The following BLTP3A variants were observed in gnomAD, a reference collection of about 807,000 sequenced individuals.
The protein encoded by BLTP3A is ICBP90 binding protein 1.
the BLTP3A span, among the ~76,000 whole-genome samples, chr6:34,828,710 TATTC>T: frequency 6.6e-6 from 1 of 151,968 alleles, no homozygotes; most frequent in African/African-American, 2.4e-5. Flanking sequence ...TTTTTTTTCT[TATTC>T]TTTCTTTTCT....
At chr6:34,848,599 T>C in the BLTP3A span, among the ~76,000 whole-genome samples, 1,267 of 141,540 alleles carry the variant, frequency 9.0e-3, 17 homozygotes, top group African/African-American at 0.029. Flanking sequence ...GAGTGAGACT[T>C]GGTCTCAAAA....
the BLTP3A span, chr6:34,823,342 G>A: frequency 6.2e-7 from 1 of 1,613,770 alleles, no homozygotes; most frequent in Non-Finnish European, 8.5e-7. Flanking sequence ...CTTGCTTCAG[G>A]ACAGAGGTTA....
the BLTP3A span, among the ~76,000 whole-genome samples, chr6:34,840,811 T>C: frequency 6.6e-6 from 1 of 151,364 alleles, no homozygotes; most frequent in Non-Finnish European, 1.5e-5. Flanking sequence ...AGAGATGCAG[T>C]TTCACCGTAT....
the BLTP3A span, chr6:34,875,028 C>G: frequency 6.6e-6 from 1 of 152,648 alleles, no homozygotes; most frequent in African/African-American, 2.4e-5. Flanking sequence ...CGGTCCTGTA[C>G]TACTAGCTCT....
At chr6:34,803,065 G>T in the BLTP3A span, among the ~76,000 whole-genome samples, 1 of 151,854 alleles carries the variant, frequency 6.6e-6, no homozygotes, top group Non-Finnish European at 1.5e-5. Flanking sequence ...GTTTGTCGTA[G>T]TCCCAGCTAC....
the BLTP3A span, among the ~76,000 whole-genome samples, chr6:34,828,390 G>T: frequency 1.3e-5 from 2 of 150,434 alleles, no homozygotes; most frequent in Admixed American, 1.3e-4. Flanking sequence ...GATGGAGGTT[G>T]CAGTGAGCCG....
chr6:34,808,777 A>G, the BLTP3A span, among the ~76,000 whole-genome samples: 3 of 152,166 alleles, frequency 2.0e-5, no homozygotes, highest in African/African-American at 7.2e-5. Flanking sequence ...ACAGGGTTTC[A>G]TCATGTTGCC....
chr6:34,854,008 G>A, the BLTP3A span, among the ~76,000 whole-genome samples: 1 of 152,154 alleles, frequency 6.6e-6, no homozygotes, highest in Non-Finnish European at 1.5e-5. Flanking sequence ...TGGATCACGA[G>A]CTCAGGAGTT....
chr6:34,816,861 A>G, the BLTP3A span, among the ~76,000 whole-genome samples: 1 of 152,174 alleles, frequency 6.6e-6, no homozygotes, highest in Admixed American at 6.6e-5. Flanking sequence ...AAACATTCTT[A>G]TCTTTCTAAG....
the BLTP3A span, chr6:34,822,056 TG>T: frequency 1.4e-6 from 2 of 1,431,430 alleles, no homozygotes; most frequent in Middle Eastern, 1.8e-4. Flanking sequence ...TTAGGAATGG[TG>T]GGTGTCTCCT....
chr6:34,801,737 T>A, the BLTP3A span, among the ~76,000 whole-genome samples: 3 of 150,932 alleles, frequency 2.0e-5, no homozygotes, highest in Non-Finnish European at 4.4e-5. Context: ...TTATTTATTT[T>A]TTGAGACGGA....
chr6:34,855,274 T>C, the BLTP3A span, among the ~76,000 whole-genome samples: 2 of 152,176 alleles, frequency 1.3e-5, no homozygotes, highest in Non-Finnish European at 2.9e-5. Flanking sequence ...ATACTAGGAT[T>C]GGGGAAACAG....
At chr6:34,809,461 G>A in the BLTP3A span, among the ~76,000 whole-genome samples, 1 of 152,176 alleles carries the variant, frequency 6.6e-6, no homozygotes, top group African/African-American at 2.4e-5. Flanking sequence ...AAAGACAGTT[G>A]ACCCTTGAAC....
the BLTP3A span, among the ~76,000 whole-genome samples, chr6:34,866,520 T>C: frequency 6.6e-6 from 1 of 152,216 alleles, no homozygotes; most frequent in African/African-American, 2.4e-5. Flanking sequence ...CTTTTGTCCA[T>C]AAATATTTTC....
At chr6:34,811,986 C>T in the BLTP3A span, among the ~76,000 whole-genome samples, 1 of 151,874 alleles carries the variant, frequency 6.6e-6, no homozygotes, top group Non-Finnish European at 1.5e-5. Flanking sequence ...ATGATTGTGC[C>T]AGTGTACTCC....
chr6:34,834,465 T>A, the BLTP3A span: 2 of 1,588,418 alleles, frequency 1.3e-6, no homozygotes, highest in Non-Finnish European at 1.7e-6. Flanking sequence ...TCAGACTGAT[T>A]CTTAAAGGAT....
At chr6:34,809,213 CA>C in the BLTP3A span, among the ~76,000 whole-genome samples, 4 of 151,824 alleles carry the variant, frequency 2.6e-5, no homozygotes, top group Non-Finnish European at 5.9e-5. Context: ...GGCAACATGG[CA>C]AAACCCTGTC....
the BLTP3A span, chr6:34,856,266 A>C: frequency 6.2e-7 from 1 of 1,614,106 alleles, no homozygotes; most frequent in Non-Finnish European, 8.5e-7. Flanking sequence ...TGGGTACGCC[A>C]CTGTGAGGCC....
chr6:34,871,041 C>A, the BLTP3A span: 1 of 1,614,134 alleles, frequency 6.2e-7, no homozygotes, highest in Non-Finnish European at 8.5e-7. Flanking sequence ...GCCTGGGGCC[C>A]TTCTTGGAGG....
Sources: gnomAD v4.1 joint callset for allele counts (sites outside exome capture counted in the v4.1 genomes callset) on GRCh38, gnomAD v4.1.1 for gene constraint, MANE v1.5 for transcripts, NCBI Gene and HGNC (gene_info 2026-07-23, HGNC 2026-07-21) for gene names.